The following OSBPL10 variants were observed in gnomAD, a reference collection of about 807,000 sequenced individuals.
OSBPL10 encodes the protein oxysterol binding protein like 10.
In OSBPL10, 49 loss-of-function variants were observed where a neutral mutation model predicts 81.7. The ratio of observed to expected loss-of-function variants is 0.60; its 90% CI spans 0.48 to 0.76. OSBPL10 has a LOEUF of 0.76. OSBPL10 is among the 30% of genes least tolerant of loss of function. The pLI is 0.00. For missense variants in OSBPL10, 923 were observed against 987.8 expected (o/e 0.93, Z 0.88); for synonymous variants, 419 against 383.6 (o/e 1.09, Z -1.08).
At chr3:31,926,717 A>T (rs1038765919) in intron 1 of OSBPL10, among the ~76,000 whole-genome samples, 1 of 152,208 alleles carries the variant, frequency 6.6e-6, no homozygotes, top group Non-Finnish European at 1.5e-5. Flanking sequence ...TTTGAATGTT[A>T]TTCTCATGCA....
chr3:31,722,243 C>T (rs17028102), intron 6 of OSBPL10, among the ~76,000 whole-genome samples: 13,995 of 152,058 alleles, frequency 0.092, 1,588 homozygotes, highest in African/African-American at 0.27. Flanking sequence ...ATTGATTGCT[C>T]CGTCAAGGAA....
At chr3:32,026,011 C>CATAG (rs10662309) in intron 2 of OSBPL10, among the ~76,000 whole-genome samples, 40,546 of 127,936 alleles carry the variant, frequency 0.32, 7,053 homozygotes, top group South Asian at 0.38. Context: ...TATATACAGA[C>CATAG]ATAGATAGAT....
chr3:32,023,081 C>G (rs1699373843), intron 2 of OSBPL10, among the ~76,000 whole-genome samples: 1 of 152,114 alleles, frequency 6.6e-6, no homozygotes, highest in Non-Finnish European at 1.5e-5. Context: ...TTCTGTGGCT[C>G]CTGTTTTAAG....
intron 1 of OSBPL10, among the ~76,000 whole-genome samples, chr3:31,973,981 T>C (rs1698630569): frequency 6.6e-6 from 1 of 152,204 alleles, no homozygotes; most frequent in African/African-American, 2.4e-5. Flanking sequence ...CAGGACATAA[T>C]GCCTGCATAA....
chr3:31,928,185 C>T (rs2125715464), intron 1 of OSBPL10, among the ~76,000 whole-genome samples: 1 of 152,260 alleles, frequency 6.6e-6, no homozygotes, highest in South Asian at 2.1e-4. Flanking sequence ...TAAAACTCTA[C>T]AGAAAATGAG....
At chr3:31,891,018 A>G (rs77194867) in intron 1 of OSBPL10, among the ~76,000 whole-genome samples, 15,645 of 152,034 alleles carry the variant, frequency 0.1, 951 homozygotes, top group Admixed American at 0.19. Flanking sequence ...GAGAGATGGG[A>G]GCTGTCCTGT....
At chr3:32,049,017 G>A (rs536070956) in intron 1 of OSBPL10, among the ~76,000 whole-genome samples, 6 of 151,028 alleles carry the variant, frequency 4.0e-5, no homozygotes, top group South Asian at 4.2e-4. Context: ...GCAACATCCG[G>A]AAGTTACCCT....
intron 4 of OSBPL10, among the ~76,000 whole-genome samples, chr3:31,799,379 TAAAAAA>T (rs61157535): frequency 1.2e-3 from 65 of 56,242 alleles, no homozygotes; most frequent in African/African-American, 1.7e-3. Context: ...CCTATCTCTT[TAAAAAA>T]AAAAAAAAAA....
At chr3:31,664,021 AC>A (rs1319980042) in intron 11 of OSBPL10, 57 bp downstream of exon 11, 1 of 1,613,620 alleles carries the variant, frequency 6.2e-7, no homozygotes, top group Non-Finnish European at 8.5e-7. Flanking sequence ...AAACCCATCT[AC>A]CCTCTCAGGA....
intron 3 of OSBPL10, among the ~76,000 whole-genome samples, chr3:31,853,553 G>A (rs1319896219): frequency 1.3e-5 from 2 of 152,168 alleles, no homozygotes; most frequent in Non-Finnish European, 2.9e-5. Flanking sequence ...ATGAATGGAA[G>A]GAAGAAAGGA....
intron 4 of OSBPL10, among the ~76,000 whole-genome samples, chr3:31,810,203 A>T (rs570230285): frequency 6.6e-5 from 10 of 152,188 alleles, no homozygotes; most frequent in Admixed American, 3.9e-4. Context: ...TTTCTTATTT[A>T]AAAAAAGTCA....
intron 3 of OSBPL10, among the ~76,000 whole-genome samples, chr3:31,844,105 G>C (rs1454094782): frequency 6.6e-6 from 1 of 152,216 alleles, no homozygotes; most frequent in East Asian, 1.9e-4. Flanking sequence ...ACAAGATGCT[G>C]AACTAGGATT....
At chr3:31,928,322 T>C (rs992698008) in intron 1 of OSBPL10, among the ~76,000 whole-genome samples, 2 of 152,152 alleles carry the variant, frequency 1.3e-5, no homozygotes, top group Non-Finnish European at 2.9e-5. Flanking sequence ...AATCCACTAA[T>C]TGACAGTTTC....
chr3:31,780,249 C>T (rs574198451), intron 4 of OSBPL10, among the ~76,000 whole-genome samples: 158 of 152,130 alleles, frequency 1.0e-3, no homozygotes, highest in African/African-American at 3.6e-3. Context: ...GCCGAGATCA[C>T]GCCACTGCAC....
In OSBPL10 at chr3:31,871,879, T is replaced by C. The variant is rs539687540; in HGVS notation, c.537+4554A>G. On this transcript the variant is annotated intron_variant, in intron 3 of 11. Coordinates refer to ENST00000396556, the MANE Select transcript of OSBPL10 (RefSeq NM_017784.5). ...CTGTCTCAAAACACACACACACACATGCACACGCACACACATGCAAGAAAT... is the reference window on the plus strand; with the variant it reads ...CTGTCTCAAAACACACACACACACACGCACACGCACACACATGCAAGAAAT... 3.3e-5 allele frequency among the ~76,000 whole-genome samples: 5 copies of C among 152,036 alleles called. No homozygotes were observed. The South Asian group carries it at 8.3e-4, about 25-fold the overall frequency.
Position 31,981,181 on chromosome 3 carries a change from G to T in OSBPL10, c.-2C>A, listed in dbSNP as rs1389664459. On this transcript the variant is annotated 5_prime_UTR_variant, in exon 1 of 12. Coordinates refer to ENST00000396556, the MANE Select transcript of OSBPL10 (RefSeq NM_017784.5). The surrounding 1 kb of genome is among the most constrained non-coding windows in gnomAD (Gnocchi z 4.5). ...TGTGCCCTGGACTGCCCTCTCCATGGTCCGTGGGCGCCCGGGACGCGGGTG... is the reference window on the plus strand; with the variant it reads ...TGTGCCCTGGACTGCCCTCTCCATGTTCCGTGGGCGCCCGGGACGCGGGTG... The T allele has an allele frequency of 1.4e-5, 20 of 1,425,168 alleles. No individual in the cohort carries two copies. Among genetic ancestry groups the T allele is most frequent in the Non-Finnish European group, 1.8e-5 (20 of 1,095,912 alleles). 88.3% of individuals were successfully genotyped at this position (1,425,168 alleles called of 1,614,324 possible). A position where few individuals can be genotyped will look rare whatever the true frequency, so the allele number is the denominator to read the frequency against.
At position 31,862,602 on chromosome 3, in the gene OSBPL10, A is replaced by C. The variant is rs1701084188; in HGVS notation, c.537+13831T>G. Among the ~76,000 whole-genome samples, 3 of 152,216 alleles carry C rather than the reference A, an allele frequency of 2.0e-5. No homozygotes were observed. The South Asian group carries it at 6.2e-4, about 32-fold the overall frequency. On this transcript the variant is annotated intron_variant, in intron 3 of 11. Transcript: ENST00000396556. ...AACTCATATGACTCAATAAAATATAAATGAATAAAAAAAGACAAAGGATTT... is the reference window on the plus strand; with the variant it reads ...AACTCATATGACTCAATAAAATATACATGAATAAAAAAAGACAAAGGATTT...
chr3:31,685,374 C>A (rs1700765143), intron 7 of OSBPL10, among the ~76,000 whole-genome samples: 1 of 152,076 alleles, frequency 6.6e-6, no homozygotes, highest in Non-Finnish European at 1.5e-5. Context: ...AGCTAATTTT[C>A]TTTATTTTAG....
intron 2 of OSBPL10, chr3:31,988,796 C>A: frequency 2.1e-6 from 1 of 478,264 alleles, no homozygotes; most frequent in Non-Finnish European, 3.7e-6. Context: ...TGCTAACAGC[C>A]ATGTGAGTGA....
Sources: gnomAD v4.1 joint callset for allele counts (sites outside exome capture counted in the v4.1 genomes callset) on GRCh38, gnomAD v4.1.1 for gene constraint, Gnocchi (gnomAD v3.1) non-coding constraint, MANE v1.5 for transcripts, NCBI Gene and HGNC (gene_info 2026-07-23, HGNC 2026-07-21) for gene names.